BACE2: variants seen among roughly 807,000 people sequenced by gnomAD.
BACE2 encodes 56 kDa aspartic-like protease.
Under a neutral mutation model 46.2 loss-of-function variants are expected in BACE2, and 17 were observed. The observed-to-expected ratio is 0.37, with a 90% CI of 0.25 to 0.55. The LOEUF (loss-of-function observed/expected upper bound fraction) is 0.55. Ranked by LOEUF, BACE2 falls within the 20% of genes least tolerant of loss-of-function variation. The probability of loss-of-function intolerance (pLI) is 0.82; values close to 1 mark genes in which losing one functional copy is unlikely to be tolerated. For missense variants in BACE2, 595 were observed against 698.1 expected (o/e 0.85, Z 1.66); for synonymous variants, 277 against 295.9 (o/e 0.94, Z 0.66).
chr21:41,194,783 C>T (rs566335934), intron 1 of BACE2, among the ~76,000 whole-genome samples: 1 of 152,016 alleles, frequency 6.6e-6, no homozygotes, highest in Non-Finnish European at 1.5e-5. Flanking sequence ...CACCCTCATA[C>T]TTTTTGAGAA....
chr21:41,243,665 T>G (rs1159835551), intron 5 of BACE2, among the ~76,000 whole-genome samples, 155 bp downstream of exon 5: 3 of 152,096 alleles, frequency 2.0e-5, no homozygotes, highest in Non-Finnish European at 4.4e-5. Context: ...GTACAGTAAG[T>G]TGAAATCAAT....
intron 1 of BACE2, among the ~76,000 whole-genome samples, chr21:41,216,560 G>T (rs956158948): frequency 2.6e-5 from 4 of 152,242 alleles, no homozygotes; most frequent in Admixed American, 6.5e-5. Flanking sequence ...CTGCGGAGGA[G>T]TGACACCCCC....
chr21:41,233,238 G>A (rs1987017825), intron 2 of BACE2, among the ~76,000 whole-genome samples: 1 of 152,142 alleles, frequency 6.6e-6, no homozygotes, highest in Non-Finnish European at 1.5e-5. Context: ...TATCTCCTGT[G>A]TTCCAAGCTT....
At chr21:41,273,150 G>T (rs2088450567) in intron 8 of BACE2, among the ~76,000 whole-genome samples, 1 of 152,136 alleles carries the variant, frequency 6.6e-6, no homozygotes, top group South Asian at 2.1e-4. Context: ...ACTTCACAAG[G>T]TAATAAAATA....
intron 3 of BACE2, 73 bp from the exon 4 acceptor site, chr21:41,241,746 G>C (rs574520847): frequency 6.4e-7 from 1 of 1,554,478 alleles, no homozygotes; most frequent in South Asian, 1.2e-5. Flanking sequence ...GTGGCGCGTG[G>C]CGTCTACACT....
At chr21:41,272,367 T>C (rs531623298) in intron 8 of BACE2, among the ~76,000 whole-genome samples, 1 of 152,158 alleles carries the variant, frequency 6.6e-6, no homozygotes, top group East Asian at 1.9e-4. Flanking sequence ...ATTTGGAAAA[T>C]TTTTGGTTTT....
At position 41,265,793 on chromosome 21, in the gene BACE2, T is replaced by C. The variant is rs115151203; in HGVS notation, c.1303+8467T>C. 7.1e-3 allele frequency among the ~76,000 whole-genome samples: 1,078 copies of C among 152,348 alleles called. 12 individuals carry two copies. Among genetic ancestry groups the C allele is most frequent in the African/African-American group, 0.025 (1,033 of 41,574 alleles). The stretch of plus-strand genomic sequence containing the variant: ...GACATGTTTTAGTGTAAAAAATGTT[T>C]ACTTTGTATATTTAAATAGTTTGAT... On this transcript the variant is annotated intron_variant, in intron 8 of 8. Coordinates refer to ENST00000330333, the MANE Select transcript of BACE2 (RefSeq NM_012105.5).
At chr21:41,220,230 C>G (rs1421350809) in intron 1 of BACE2, among the ~76,000 whole-genome samples, 1 of 152,184 alleles carries the variant, frequency 6.6e-6, no homozygotes, top group Non-Finnish European at 1.5e-5. Context: ...GTACACGCCA[C>G]CCTCCGGGAA....
chr21:41,180,555 T>C, intron 1 of BACE2: 1 of 167,212 alleles, frequency 6.0e-6, no homozygotes. Flanking sequence ...GCCAGCATTG[T>C]CTCTGGAACT....
intron 1 of BACE2, among the ~76,000 whole-genome samples, chr21:41,190,308 T>A (rs1038252724): frequency 2.0e-5 from 3 of 152,214 alleles, no homozygotes; most frequent in Admixed American, 6.5e-5. Flanking sequence ...CTATTCTTTG[T>A]ACAACCTGAA....
chr21:41,211,748 T>A (rs79721635), intron 1 of BACE2, among the ~76,000 whole-genome samples: 278 of 152,382 alleles, frequency 1.8e-3, no homozygotes, highest in African/African-American at 6.4e-3. Flanking sequence ...TCTATTAACC[T>A]GCTGAAATAG....
chr21:41,251,943 A>G (rs954146186), intron 7 of BACE2, among the ~76,000 whole-genome samples: 1 of 152,156 alleles, frequency 6.6e-6, no homozygotes, highest in African/African-American at 2.4e-5. Context: ...GAAATGGACC[A>G]CGTCTGTCTT....
chr21:41,248,887 C>T (rs1363223581), intron 6 of BACE2, among the ~76,000 whole-genome samples: 1 of 152,198 alleles, frequency 6.6e-6, no homozygotes, highest in African/African-American at 2.4e-5. Flanking sequence ...TCTAACTATC[C>T]TTTTGGTTTC....
chr21:41,236,311 T>C (rs181188422), intron 2 of BACE2, among the ~76,000 whole-genome samples: 5 of 152,288 alleles, frequency 3.3e-5, no homozygotes, highest in Admixed American at 6.5e-5. Context: ...GCAAACATGG[T>C]TGGATCCAAG....
At chr21:41,242,160 G>A (rs990632211) in intron 4 of BACE2, among the ~76,000 whole-genome samples, 5 of 151,372 alleles carry the variant, frequency 3.3e-5, no homozygotes, top group Non-Finnish European at 5.9e-5. Context: ...GATTCTCATC[G>A]CTTCTCCGAA....
intron 1 of BACE2, among the ~76,000 whole-genome samples, chr21:41,171,877 A>G (rs1601234977): frequency 1.3e-5 from 2 of 152,248 alleles, no homozygotes; most frequent in South Asian, 2.1e-4. Context: ...AGGGCCACCT[A>G]ATTATTTTGG....
intron 3 of BACE2, 52 bp downstream of exon 3, chr21:41,237,781 A>C (rs1987169704): frequency 1.3e-6 from 2 of 1,507,464 alleles, no homozygotes; most frequent in African/African-American, 1.4e-5. Context: ...TGAGATTCTG[A>C]AAATCAGTCA....
chr21:41,215,958 T>C (rs1436395521), intron 1 of BACE2, among the ~76,000 whole-genome samples: 1 of 152,068 alleles, frequency 6.6e-6, no homozygotes, highest in Non-Finnish European at 1.5e-5. Context: ...CAGGAAATAA[T>C]TTTGGAAATT....
intron 1 of BACE2, chr21:41,184,905 C>G (rs997091858): frequency 2.4e-5 from 4 of 166,934 alleles, no homozygotes; most frequent in Admixed American, 6.5e-5. Context: ...TAAGCCTAAT[C>G]GTAAAATATC....
Sources: gnomAD v4.1 joint callset for allele counts (sites outside exome capture counted in the v4.1 genomes callset) on GRCh38, gnomAD v4.1.1 for gene constraint, MANE v1.5 for transcripts, NCBI Gene and HGNC (gene_info 2026-07-23, HGNC 2026-07-21) for gene names.